Variants in SLC13A5 observed in about 807,000 individuals in gnomAD.
SLC13A5 encodes the protein solute carrier family 13 member 5.
In SLC13A5, 25 loss-of-function variants were observed where a neutral mutation model predicts 56.5. That is an observed-to-expected ratio of 0.44 (90% CI 0.32 to 0.62). The LOEUF (loss-of-function observed/expected upper bound fraction) is 0.62. Among genes scored for constraint, SLC13A5 ranks in the 20% least tolerant of loss-of-function variants. The probability of loss-of-function intolerance (pLI) is 0.04; values close to 1 mark genes in which losing one functional copy is unlikely to be tolerated. For synonymous variants in SLC13A5, 307 were observed against 301.5 expected (o/e 1.02, Z -0.19); for missense variants, 649 against 737.8 (o/e 0.88, Z 1.39).
rs1597659741 is a variant in SLC13A5 at position 6,693,094 on chromosome 17, C to T, written c.1225G>A (p.Gly409Ser). 1 of 1,613,810 alleles carries T rather than the reference C, an allele frequency of 6.2e-7. No homozygotes were observed. The highest frequency in any genetic ancestry group is 2.2e-5 in the East Asian group (1 of 44,842). Residue 409 changes from glycine (G) to serine (S), a missense_variant, in exon 9 of 12, where the codon GGC (glycine) becomes AGC (serine). Coordinates refer to ENST00000433363, the MANE Select transcript of SLC13A5 (RefSeq NM_177550.5). ...WKVTQEKVPW[G>S]IVLLLGGGFA... ...CCGCCCCCTAGTAGCAGCACGATGC[C>T]CCAGGGCACTTTCTCCTGGGTTACC... is the stretch of plus-strand genomic sequence containing the variant.
rs1220992033 is a variant in SLC13A5 at position 6,687,464 on chromosome 17, A to T, written c.1575+65T>A. On this transcript the variant is annotated intron_variant, in intron 11 of 11. Coordinates refer to ENST00000433363, the MANE Select transcript of SLC13A5 (RefSeq NM_177550.5). The surrounding 1 kb of genome is among the most constrained non-coding windows in gnomAD (Gnocchi z 5.0). Reference sequence around the variant, plus strand: ...CGTTTTGAAACTCTGTCATTCATAAATGGGGCATCCCTTATGACAACAGCG... The same window carrying T: ...CGTTTTGAAACTCTGTCATTCATAATTGGGGCATCCCTTATGACAACAGCG... The T allele has an allele frequency of 6.3e-7, 1 of 1,593,296 alleles. No individual in the cohort carries two copies.
intron 6 of SLC13A5, among the ~76,000 whole-genome samples, chr17:6,696,374 G>A (rs550757434): frequency 1.3e-5 from 2 of 152,314 alleles, no homozygotes; most frequent in African/African-American, 4.8e-5. Flanking sequence ...TGCAGGGAGT[G>A]AGTATGAACC....
intron 6 of SLC13A5, among the ~76,000 whole-genome samples, chr17:6,700,397 G>GTTTTACTCGACTTAAAT (rs1973678111): frequency 6.6e-6 from 1 of 152,120 alleles, no homozygotes; most frequent in African/African-American, 2.4e-5. Flanking sequence ...ATCACTGCTG[G>GTTTTACTCGACTTAAAT]TTTTACTCGA....
chr17:6,689,960 A>T (rs1209704235), intron 10 of SLC13A5: 1 of 149,650 alleles, frequency 6.7e-6, no homozygotes, highest in Non-Finnish European at 1.5e-5. Context: ...ATGTTCAGAG[A>T]TCCCACATCT....
chr17:6,713,131 C>T lies in SLC13A5; in HGVS notation c.102+101G>A, dbSNP rs114362714. On this transcript the variant is annotated intron_variant, in intron 1 of 11. Transcript: ENST00000433363. The surrounding 1 kb of genome is among the most constrained non-coding windows in gnomAD (Gnocchi z 7.3). ...CGCGCCCCGGGAGAGCTGTGCTCCC[C>T]GCGAAATCCGTGCGCTCCAGCTCAG... 2.5e-6 allele frequency: 3 copies of T among 1,224,346 alleles called. No individual in the cohort carries two copies. Among genetic ancestry groups the T allele is most frequent in the South Asian group, 1.3e-5 (1 of 76,322 alleles). 75.8% of individuals were successfully genotyped at this position (1,224,346 alleles called of 1,614,324 possible).
intron 1 of SLC13A5, among the ~76,000 whole-genome samples, chr17:6,709,799 G>C (rs1973971138): frequency 6.6e-6 from 1 of 152,120 alleles, no homozygotes; most frequent in South Asian, 2.1e-4. Context: ...GCAAACCAGG[G>C]CACCTCCCTA....
Position 6,713,169 on chromosome 17 carries a change from C to G in SLC13A5, c.102+63G>C. On this transcript the variant is annotated intron_variant, in intron 1 of 11. Transcript: ENST00000433363. This position sits in a 1 kb window ranked among gnomAD's most constrained non-coding sequence, Gnocchi z 7.3. ...CGCTCCAGCTCAGGGCTCCCGGGATCGGTGCCCGTTAGTGGGCACAGGACG... is the reference window on the plus strand; with the variant it reads ...CGCTCCAGCTCAGGGCTCCCGGGATGGGTGCCCGTTAGTGGGCACAGGACG... 6.5e-7 allele frequency: 1 copy of G among 1,526,752 alleles called. No homozygotes were observed. The allele number at this position is 1,526,752 out of a possible 1,614,324, so 94.6% of individuals were successfully genotyped here.
In SLC13A5 at chr17:6,689,128, G is replaced by A. The variant is rs889942685; in HGVS notation, c.1438-1462C>T. ...ATTATTTTCCTAAGATATATTCCCA[G>A]ACATGAAATTGCTGAGTCAAGGGGT... is the stretch of plus-strand genomic sequence containing the variant. On this transcript the variant is annotated intron_variant, in intron 10 of 11. Transcript: ENST00000433363. The A allele has an allele frequency of 1.2e-4, 19 of 152,182 alleles. 1 individual carries two copies. Among genetic ancestry groups the A allele is most frequent in the African/African-American group, 4.6e-4 (19 of 41,442 alleles). 9.4% of individuals were successfully genotyped at this position (152,182 alleles called of 1,614,324 possible).
chr17:6,686,358 A>C lies in SLC13A5; in HGVS notation c.1576-20T>G. 1 of 1,613,892 alleles carries C rather than the reference A, an allele frequency of 6.2e-7. No individual in the cohort carries two copies. Among genetic ancestry groups the C allele is most frequent in the Non-Finnish European group, 8.5e-7 (1 of 1,179,832 alleles). ...TTTCACCTGGAAAAGAGACAGAGTC[A>C]GCACCCTGAGGCCTGCTGGGGACTA... On this transcript the variant is annotated intron_variant, in intron 11 of 11. Transcript: ENST00000433363.
In SLC13A5 at chr17:6,686,089, G is replaced by T; in HGVS notation, c.*118C>A. ...GGCCCATTGGCTGGGTTTTGGTGGT[G>T]TGTGGACATCGTTGGGTCATTTTGG... On this transcript the variant is annotated 3_prime_UTR_variant, in exon 12 of 12. Transcript: ENST00000433363. 1.4e-6 allele frequency: 2 copies of T among 1,453,446 alleles called. No individual in the cohort carries two copies. The highest frequency in any genetic ancestry group is 1.9e-6 in the Non-Finnish European group (2 of 1,065,512). The allele number at this position is 1,453,446 out of a possible 1,614,324, so 90.0% of individuals were successfully genotyped here. A position where few individuals can be genotyped will look rare whatever the true frequency, so the allele number is the denominator to read the frequency against.
rs1221215046 is a variant in SLC13A5 at position 6,687,872 on chromosome 17, G to A, written c.1438-206C>T. On this transcript the variant is annotated intron_variant, in intron 10 of 11. Coordinates refer to ENST00000433363, the MANE Select transcript of SLC13A5 (RefSeq NM_177550.5). The surrounding 1 kb of genome is among the most constrained non-coding windows in gnomAD (Gnocchi z 5.0). ...AGGTCAGAGGCCACCTGCCCTAGAA[G>A]GCCTTACCCCCTCAATTCATTCGAC... 17 of 530,498 alleles carry A rather than the reference G, an allele frequency of 3.2e-5. No individual in the cohort carries two copies. The highest frequency in any genetic ancestry group is 5.4e-5 in the Non-Finnish European group (17 of 316,106). The allele number at this position is 530,498 out of a possible 1,614,324, so 32.9% of individuals were successfully genotyped here.
chr17:6,693,403 T>C, intron 8 of SLC13A5: 1 of 370,160 alleles, frequency 2.7e-6, no homozygotes. Context: ...CGTAAATTGG[T>C]ATGACCTTTT....
chr17:6,691,505 G>T (rs376571307), intron 9 of SLC13A5, among the ~76,000 whole-genome samples: 42 of 152,342 alleles, frequency 2.8e-4, no homozygotes, highest in Non-Finnish European at 7.3e-5. Flanking sequence ...AGATTGTCCA[G>T]GGAGAGAATG....
intron 1 of SLC13A5, 87 bp from the exon 2 acceptor site, chr17:6,707,243 G>C: frequency 6.5e-7 from 1 of 1,530,418 alleles, no homozygotes; most frequent in Non-Finnish European, 8.9e-7. Flanking sequence ...GGCATGGATT[G>C]TCAAGACACA....
chr17:6,704,355 AC>A, intron 3 of SLC13A5: 1 of 516,996 alleles, frequency 1.9e-6, no homozygotes, highest in Non-Finnish European at 3.7e-6. Context: ...TCTAAGGAGC[AC>A]CCCTGCCCCA....
At chr17:6,689,193 C>T (rs971480273) in intron 10 of SLC13A5, 4 of 152,218 alleles carry the variant, frequency 2.6e-5, no homozygotes, top group Admixed American at 1.3e-4. Flanking sequence ...TGGTAAACAG[C>T]CCTCTGAAAG....
In SLC13A5 at chr17:6,685,983, C is replaced by T; in HGVS notation, c.*224G>A. 1.6e-6 allele frequency: 1 copy of T among 611,556 alleles called. No homozygotes were observed. The highest frequency in any genetic ancestry group is 2.8e-6 in the Non-Finnish European group (1 of 351,950). The allele number at this position is 611,556 out of a possible 1,614,324, so 37.9% of individuals were successfully genotyped here. A position where few individuals can be genotyped will look rare whatever the true frequency, so the allele number is the denominator to read the frequency against. The stretch of plus-strand genomic sequence containing the variant: ...CTTGGGAAAGATGGGTCCAGCAGCC[C>T]ACTGAGGGGTTCCCTTCATTTCTGA... On this transcript the variant is annotated 3_prime_UTR_variant, in exon 12 of 12. Coordinates refer to ENST00000433363, the MANE Select transcript of SLC13A5 (RefSeq NM_177550.5). The surrounding 1 kb of genome is among the most constrained non-coding windows in gnomAD (Gnocchi z 4.2).
rs1194221064 is a variant in SLC13A5 at position 6,687,488 on chromosome 17, C to T, written c.1575+41G>A. ...AATGGGGCATCCCTTATGACAACAGCGTTATAGTCCGACGGGAGTAAATAA... is the reference window on the plus strand; with the variant it reads ...AATGGGGCATCCCTTATGACAACAGTGTTATAGTCCGACGGGAGTAAATAA... On this transcript the variant is annotated intron_variant, in intron 11 of 11. Coordinates refer to ENST00000433363, the MANE Select transcript of SLC13A5 (RefSeq NM_177550.5). This position sits in a 1 kb window ranked among gnomAD's most constrained non-coding sequence, Gnocchi z 5.0. The T allele has an allele frequency of 7.4e-6, 12 of 1,610,738 alleles. No homozygotes were observed. The highest frequency in any genetic ancestry group is 4.5e-5 in the East Asian group (2 of 44,800).
intron 7 of SLC13A5, among the ~76,000 whole-genome samples, chr17:6,694,429 C>T (rs1016738146): frequency 1.3e-5 from 2 of 152,036 alleles, no homozygotes; most frequent in Non-Finnish European, 2.9e-5. Flanking sequence ...CCAGCCTGGC[C>T]AACATAGTGA....
Sources: gnomAD v4.1 joint callset for allele counts (sites outside exome capture counted in the v4.1 genomes callset) on GRCh38, gnomAD v4.1.1 for gene constraint, Gnocchi (gnomAD v3.1) non-coding constraint, MANE v1.5 for transcripts, NCBI Gene and HGNC (gene_info 2026-07-23, HGNC 2026-07-21) for gene names.